Variants in HSPA9 observed in about 807,000 individuals in gnomAD.
HSPA9 encodes heat shock protein family A (Hsp70) member 9, also known as stress-70 protein, mitochondrial.
A neutral mutation model predicts 81.5 loss-of-function variants in HSPA9; 28 were observed. The observed-to-expected ratio is 0.34, with a 90% confidence interval of 0.25 to 0.47. The LOEUF (loss-of-function observed/expected upper bound fraction) is 0.47, where lower values mean the gene tolerates loss of function less well. Ranked by LOEUF, HSPA9 falls within the 20% of genes least tolerant of loss-of-function variation. The pLI is 1.00. For synonymous variants in HSPA9, 293 were observed against 290.4 expected (o/e 1.01, Z -0.09); for missense variants, 678 against 838.0 (o/e 0.81, Z 2.36).
chr5:138,562,243 A>G (rs1371381407), intron 9 of HSPA9, among the ~76,000 whole-genome samples: 3 of 149,582 alleles, frequency 2.0e-5, no homozygotes. Flanking sequence ...GGCCAAGAAT[A>G]GTTACTCTTT....
chr5:138,556,756 C>T lies in HSPA9; in HGVS notation c.1821+18G>A. ...AAAATGTGTTCAACCTCTTGAGTTA[C>T]TTTAAAATAGAACTCACCTCATCAG... On this transcript the variant is annotated intron_variant, in intron 15 of 16. Coordinates refer to ENST00000297185, the MANE Select transcript of HSPA9 (RefSeq NM_004134.7). The T allele has an allele frequency of 1.3e-6, 2 of 1,598,328 alleles. No homozygotes were observed. The highest frequency in any genetic ancestry group is 8.6e-7 in the Non-Finnish European group (1 of 1,165,608).
chr5:138,571,447 A>C (rs1214460571), intron 3 of HSPA9, among the ~76,000 whole-genome samples: 1 of 151,868 alleles, frequency 6.6e-6, no homozygotes, highest in Non-Finnish European at 1.5e-5. Flanking sequence ...AGCCTCCCGA[A>C]GTGTTGCGAT....
chr5:138,558,631 T>C lies in HSPA9; in HGVS notation c.1437A>G (p.Gln479=), dbSNP rs41296451. Residue 479 remains glutamine (Q), a synonymous_variant, in exon 12 of 17, where the codon CAA becomes CAG. Coordinates refer to ENST00000297185, the MANE Select transcript of HSPA9 (RefSeq NM_004134.7). ...GACACACTTTAATTTCCACTTGCGTTTGACCATCAGCGGCAGTAGAGAATA... is the reference window on the plus strand; with the variant it reads ...GACACACTTTAATTTCCACTTGCGTCTGACCATCAGCGGCAGTAGAGAATA... ...SQVFSTAADG[Q]TQVEIKVCQG... 1.1e-5 allele frequency: 18 copies of C among 1,613,696 alleles called. No individual in the cohort carries two copies. The African/African-American group carries it at 2.3e-4, about 20-fold the overall frequency.
rs1018717947 is a variant in HSPA9, at chr5:138,574,946, G to A, written c.81+292C>T. On this transcript the variant is annotated intron_variant, in intron 1 of 16. Transcript: ENST00000297185. ...AATAGACTGCATCCCTCACCCCCAAGGCCAAACCTTTCCATTCAGCCACAG... is the reference window on the plus strand; with the variant it reads ...AATAGACTGCATCCCTCACCCCCAAAGCCAAACCTTTCCATTCAGCCACAG... The A allele has an allele frequency of 5.5e-6, 3 of 546,872 alleles. No homozygotes were observed. The South Asian group carries it at 6.8e-5, about 12-fold the overall frequency. The allele number at this position is 546,872 out of a possible 1,614,324, so 33.9% of individuals were successfully genotyped here.
rs763341420 is a variant in HSPA9 at position 138,567,704 on chromosome 5, G to C, written c.554C>G (p.Thr185Arg). The change falls in exon 6 of 17, where the codon ACA becomes AGA. Residue 185 changes from threonine (T) to arginine (R), a missense_variant. This residue lies in a region of HSPA9 where 484 missense variants were observed against 647.5 expected (regional missense o/e 0.75). Coordinates refer to ENST00000297185, the MANE Select transcript of HSPA9 (RefSeq NM_004134.7). Reference sequence around the variant, plus strand: ...GACTGTGATCACAGCATTTTTTGCTGTGTGCCCCAAGTAATTTTCTGGAAA... The same window carrying C: ...GACTGTGATCACAGCATTTTTTGCTCTGTGCCCCAAGTAATTTTCTGGAAA... ...KETAENYLGH[T>R]AKNAVITVPA... 21 of 1,613,230 alleles carry C rather than the reference G, an allele frequency of 1.3e-5. No homozygotes were observed. The highest frequency in any genetic ancestry group is 1.4e-5 in the Non-Finnish European group (17 of 1,179,428).
chr5:138,562,375 C>G (rs1411205255), intron 9 of HSPA9, among the ~76,000 whole-genome samples: 1 of 151,252 alleles, frequency 6.6e-6, no homozygotes, highest in Non-Finnish European at 1.5e-5. Context: ...TGGTGAAACC[C>G]CGTCTCTACT....
chr5:138,570,736 C>T (rs564632755), intron 4 of HSPA9: 20 of 480,832 alleles, frequency 4.2e-5, no homozygotes, highest in Non-Finnish European at 5.0e-5. Flanking sequence ...CCACCCACCT[C>T]GGCCTCCCAA....
chr5:138,568,517 CAACAAAAAAACCCCAAAAAACAGA>C (rs1183392455), intron 5 of HSPA9, among the ~76,000 whole-genome samples: 3 of 151,984 alleles, frequency 2.0e-5, no homozygotes, highest in Non-Finnish European at 2.9e-5. Flanking sequence ...CAAAAAACAA[CAACAAAAAAACCCCAAAAAACAGA>C]AACCCCTAAG....
At chr5:138,562,962 C>G (rs1750690226) in intron 9 of HSPA9, among the ~76,000 whole-genome samples, 1 of 152,182 alleles carries the variant, frequency 6.6e-6, no homozygotes, top group Non-Finnish European at 1.5e-5. Context: ...TAATAAATCC[C>G]AAATCCCAGT....
intron 2 of HSPA9, 99 bp downstream of exon 2, chr5:138,573,969 C>G: frequency 2.4e-6 from 3 of 1,245,848 alleles, no homozygotes; most frequent in Non-Finnish European, 3.5e-6. Context: ...TAAATAAATA[C>G]AGATAAATAA....
At chr5:138,557,186 C>T in intron 14 of HSPA9, 1 of 618,560 alleles carries the variant, frequency 1.6e-6, no homozygotes, top group South Asian at 1.9e-5. Context: ...CAAACTCTCC[C>T]ACTTTCTTGT....
chr5:138,567,380 AG>A (rs1750789269), intron 7 of HSPA9, 74 bp downstream of exon 7: 2 of 1,193,700 alleles, frequency 1.7e-6, no homozygotes, highest in Admixed American at 3.4e-5. Flanking sequence ...GCACTGTAAA[AG>A]GCTCAATTAC....
intron 11 of HSPA9, chr5:138,558,957 AAAG>A (rs1305888569): frequency 1.1e-5 from 4 of 358,902 alleles, no homozygotes; most frequent in African/African-American, 6.3e-5. Context: ...GGGATCAGAG[AAAG>A]AAGATGTATC....
chr5:138,563,909 A>C (rs756458258), intron 9 of HSPA9, among the ~76,000 whole-genome samples: 6 of 152,186 alleles, frequency 3.9e-5, no homozygotes, highest in Admixed American at 1.3e-4. Flanking sequence ...ATGCCCACCA[A>C]CAACCGACCC....
intron 11 of HSPA9, 196 bp from the exon 12 acceptor site, chr5:138,558,853 T>G (rs1580741777): frequency 3.6e-6 from 2 of 558,698 alleles, no homozygotes; most frequent in East Asian, 3.2e-5. Context: ...TAGCAACTGT[T>G]TCAGCTAAGC....
At chr5:138,575,053 C>T (rs1435263117) in intron 1 of HSPA9, 185 bp downstream of exon 1, 2 of 613,196 alleles carry the variant, frequency 3.3e-6, no homozygotes, top group African/African-American at 3.7e-5. Flanking sequence ...GGGCCCAAGC[C>T]GGAGGCAAAA....
chr5:138,573,697 C>CTAAGG, intron 3 of HSPA9, 66 bp downstream of exon 3: 1 of 486,188 alleles, frequency 2.1e-6, no homozygotes, highest in Non-Finnish European at 4.0e-6. Flanking sequence ...AATTCCTTAA[C>CTAAGG]TAAGGAAAAG....
intron 15 of HSPA9, 66 bp downstream of exon 15, chr5:138,556,708 A>G: frequency 1.3e-6 from 2 of 1,562,592 alleles, no homozygotes; most frequent in Non-Finnish European, 8.8e-7. Flanking sequence ...CCCACAGAAA[A>G]ATAAACTTCA....
rs1381653547 is a variant in HSPA9, at chr5:138,561,693, C to G, written c.1069G>C (p.Asp357His). Residue 357 changes from aspartate to histidine, a missense_variant, in exon 10 of 17, where the codon GAT becomes CAT. Coordinates refer to ENST00000297185, the MANE Select transcript of HSPA9 (RefSeq NM_004134.7). ...GGAGCGATAGTCCTTCTGATTAGAT[C>G]AGTGACAATCCCTTCAAATTGAGCA... Reference protein sequence around the residue: ...TRAQFEGIVTDLIRRTIAPCQ... With the variant: ...TRAQFEGIVTHLIRRTIAPCQ... The G allele has an allele frequency of 6.2e-7, 1 of 1,614,088 alleles. No homozygotes were observed. The highest frequency in any genetic ancestry group is 8.5e-7 in the Non-Finnish European group (1 of 1,179,914).
Sources: allele counts gnomAD v4.1 joint callset (sites outside exome capture counted in the v4.1 genomes callset), GRCh38; gene constraint gnomAD v4.1.1; regional missense constraint gnomAD v4.1.1; transcripts MANE v1.5; gene names NCBI Gene and HGNC (gene_info 2026-07-23, HGNC 2026-07-21).